Variants in COL21A1 observed in about 807,000 individuals in gnomAD.
COL21A1 encodes collagen type XXI alpha 1 chain.
In COL21A1, 149 loss-of-function variants were observed where a neutral mutation model predicts 137.9. That is an observed-to-expected ratio of 1.08 (90% CI 0.95 to 1.24). The LOEUF (loss-of-function observed/expected upper bound fraction) is 1.24. Among genes scored for constraint, COL21A1 ranks in the 50% most tolerant of loss-of-function variants. The pLI is 0.00. For missense variants in COL21A1, 1,167 were observed against 1,158.4 expected, an observed-to-expected ratio of 1.01 and a Z score of -0.11; for synonymous variants, 456 against 391.5, an observed-to-expected ratio of 1.16 and a Z score of -1.95.
intron 1 of COL21A1, among the ~76,000 whole-genome samples, chr6:56,297,906 A>G (rs1764197617): frequency 6.6e-6 from 1 of 152,002 alleles, no homozygotes; most frequent in African/African-American, 2.4e-5. Flanking sequence ...TTGGGGCCTC[A>G]ATTCTGCACT....
chr6:56,185,914 T>A (rs963482534), intron 1 of COL21A1, among the ~76,000 whole-genome samples: 1 of 152,124 alleles, frequency 6.6e-6, no homozygotes, highest in Non-Finnish European at 1.5e-5. Flanking sequence ...ATAAAACTAT[T>A]TGTTTTGGTG....
chr6:56,221,505 T>G (rs1450444819), intron 1 of COL21A1, among the ~76,000 whole-genome samples: 1 of 152,050 alleles, frequency 6.6e-6, no homozygotes, highest in African/African-American at 2.4e-5. Flanking sequence ...GGAGGATTAC[T>G]TGAGCCTACA....
intron 1 of COL21A1, among the ~76,000 whole-genome samples, chr6:56,381,158 C>T (rs772043464): frequency 3.3e-5 from 5 of 152,094 alleles, no homozygotes; most frequent in Admixed American, 3.3e-4. Flanking sequence ...TTTGTTTATA[C>T]CATGAAATTA....
At chr6:56,257,212 C>T (rs1337628625) in intron 1 of COL21A1, among the ~76,000 whole-genome samples, 1 of 152,148 alleles carries the variant, frequency 6.6e-6, no homozygotes, top group African/African-American at 2.4e-5. Context: ...ACATGATTAA[C>T]ACTTTGTTTT....
intron 10 of COL21A1, among the ~76,000 whole-genome samples, chr6:56,151,099 G>T (rs1357236515): frequency 6.6e-6 from 1 of 151,978 alleles, no homozygotes; most frequent in Admixed American, 6.6e-5. Flanking sequence ...GGTGGCAGGT[G>T]CCTGTAGTCC....
intron 1 of COL21A1, among the ~76,000 whole-genome samples, chr6:56,210,361 C>A (rs2152305410): frequency 6.6e-6 from 1 of 152,094 alleles, no homozygotes; most frequent in African/African-American, 2.4e-5. Context: ...TAAATGGGCA[C>A]AAATAAAGAG....
chr6:56,236,111 C>G (rs9296832), intron 1 of COL21A1, among the ~76,000 whole-genome samples: 85,797 of 151,780 alleles, frequency 0.57, 24,524 homozygotes, highest in East Asian at 0.77. Context: ...GATATCAAAA[C>G]TGAATGTGTT....
At chr6:56,237,246 G>A (rs1186311555) in intron 1 of COL21A1, among the ~76,000 whole-genome samples, 1 of 152,074 alleles carries the variant, frequency 6.6e-6, no homozygotes, top group Non-Finnish European at 1.5e-5. Flanking sequence ...AACTTGAAAA[G>A]TCTGCAGCTC....
At chr6:56,084,854 A>G (rs1274739501) in intron 17 of COL21A1, among the ~76,000 whole-genome samples, 1 of 152,090 alleles carries the variant, frequency 6.6e-6, no homozygotes, top group Admixed American at 6.6e-5. Flanking sequence ...TCAGAAATCA[A>G]TACTGGGGAG....
chr6:56,096,405 T>C (rs1769328646), intron 17 of COL21A1, among the ~76,000 whole-genome samples: 1 of 152,220 alleles, frequency 6.6e-6, no homozygotes, highest in African/African-American at 2.4e-5. Context: ...TGAAAGAATA[T>C]AATCTTTAAA....
At chr6:56,113,340 G>C (rs1771616748) in intron 16 of COL21A1, among the ~76,000 whole-genome samples, 1 of 152,198 alleles carries the variant, frequency 6.6e-6, no homozygotes, top group Admixed American at 6.5e-5. Context: ...AGAGGACTTT[G>C]TCTTGTATCT....
chr6:56,165,860 A>G (rs1776533998), intron 7 of COL21A1, among the ~76,000 whole-genome samples: 1 of 151,796 alleles, frequency 6.6e-6, no homozygotes, highest in Non-Finnish European at 1.5e-5. Context: ...CCATATTTCC[A>G]CTAGCAGTAA....
chr6:56,090,614 A>G lies in COL21A1; in HGVS notation c.1812+10858T>C, dbSNP rs566495844. On this transcript the variant is annotated intron_variant, in intron 17 of 29. Transcript: ENST00000244728. Reference sequence around the variant, plus strand: ...TGAGCATTTACATTATTTTAGATAAAGCCTATTTCAAAATGCATTATAAGA... The same window carrying G: ...TGAGCATTTACATTATTTTAGATAAGGCCTATTTCAAAATGCATTATAAGA... Among the ~76,000 whole-genome samples, 66 of 152,286 alleles carry G rather than the reference A, an allele frequency of 4.3e-4. 2 individuals carry two copies. The South Asian group carries it at 0.013, about 31-fold the overall frequency.
At chr6:56,126,386 C>A in intron 12 of COL21A1, 1 of 412,836 alleles carries the variant, frequency 2.4e-6, no homozygotes, top group Non-Finnish European at 4.4e-6. Context: ...GCAATCCTGA[C>A]TCCACCCTTA....
chr6:56,247,308 CAGCCCCTGGAGAGCCA>C (rs1782709831), intron 1 of COL21A1, 63 bp downstream of exon 1: 1 of 152,462 alleles, frequency 6.6e-6, no homozygotes, highest in Admixed American at 6.5e-5. Context: ...TGCCAAATTG[CAGCCCCTGGAGAGCCA>C]GCCCTGAGGC....
At chr6:56,349,498 G>T (rs989415086) in intron 1 of COL21A1, among the ~76,000 whole-genome samples, 2 of 152,158 alleles carry the variant, frequency 1.3e-5, no homozygotes, top group South Asian at 2.1e-4. Flanking sequence ...AATGAAGGAT[G>T]TTAAGAGCTA....
chr6:56,175,382 C>T (rs1394242816), intron 3 of COL21A1, among the ~76,000 whole-genome samples: 1 of 151,822 alleles, frequency 6.6e-6, no homozygotes, highest in East Asian at 1.9e-4. Context: ...ATAGAAAACC[C>T]TAATGATTAT....
In COL21A1 at chr6:56,266,071, T is replaced by C. The variant is rs143023406; in HGVS notation, c.-38-83415A>G. ...TACTCTGGGTAACCAGTAGCCTTTATAGGCCTGTAATCTAACAAAACATGC... is the reference window on the plus strand; with the variant it reads ...TACTCTGGGTAACCAGTAGCCTTTACAGGCCTGTAATCTAACAAAACATGC... On this transcript the variant is annotated intron_variant, in intron 1 of 28. Coordinates refer to the COL21A1 transcript ENST00000370819. Among the ~76,000 whole-genome samples, 4 of 152,380 alleles carry C rather than the reference T, an allele frequency of 2.6e-5. No individual in the cohort carries two copies. The East Asian group carries it at 7.7e-4, about 29-fold the overall frequency.
At chr6:56,261,679 T>A (rs1562029527) in intron 1 of COL21A1, among the ~76,000 whole-genome samples, 1 of 152,234 alleles carries the variant, frequency 6.6e-6, no homozygotes, top group South Asian at 2.1e-4. Context: ...TTTCTTGTGA[T>A]AGTATTCTGA....
Sources: allele counts gnomAD v4.1 joint callset (sites outside exome capture counted in the v4.1 genomes callset), GRCh38; gene constraint gnomAD v4.1.1; transcripts MANE v1.5; gene names NCBI Gene and HGNC (gene_info 2026-07-23, HGNC 2026-07-21).